The following RUNX1 variants were observed in gnomAD, a reference collection of about 807,000 sequenced individuals.
RUNX1 encodes runt-related transcription factor 1.
In RUNX1, 19 loss-of-function variants were observed where a neutral mutation model predicts 42.8. The observed-to-expected ratio is 0.44, with a 90% CI of 0.31 to 0.65. The LOEUF is 0.65. Ranked by LOEUF, RUNX1 falls within the 30% of genes least tolerant of loss-of-function variation. RUNX1 has a pLI of 0.07. For missense variants in RUNX1, 528 were observed against 672.0 expected, an observed-to-expected ratio of 0.79 and a Z score of 2.37; for synonymous variants, 271 against 289.4, an observed-to-expected ratio of 0.94 and a Z score of 0.64.
chr21:34,933,820 T>C (rs1053378651), intron 2 of RUNX1, among the ~76,000 whole-genome samples: 6 of 152,174 alleles, frequency 3.9e-5, no homozygotes, highest in Non-Finnish European at 7.4e-5. Context: ...CAAAGGATAC[T>C]GTCATAAAGC....
chr21:34,893,252 A>T (rs2058100848), intron 2 of RUNX1, among the ~76,000 whole-genome samples: 1 of 152,212 alleles, frequency 6.6e-6, no homozygotes, highest in East Asian at 1.9e-4. Context: ...TTAAAATGTG[A>T]TTTATTTAAT....
intron 2 of RUNX1, among the ~76,000 whole-genome samples, chr21:35,026,674 C>T (rs2059239119): frequency 6.6e-6 from 1 of 152,244 alleles, no homozygotes; most frequent in African/African-American, 2.4e-5. Flanking sequence ...CGCGCATCCG[C>T]CCGGGGACTT....
intron 6 of RUNX1, among the ~76,000 whole-genome samples, chr21:34,857,058 C>T (rs552195034): frequency 6.6e-6 from 1 of 152,322 alleles, no homozygotes; most frequent in Non-Finnish European, 1.5e-5. Flanking sequence ...TGGGAGTCTG[C>T]ATGCACTTGG....
At chr21:34,834,094 A>T in intron 7 of RUNX1, 1 of 571,646 alleles carries the variant, frequency 1.7e-6, no homozygotes, top group Non-Finnish European at 3.3e-6. Context: ...GCCAAAGCTA[A>T]CTCTTAAAAA....
At chr21:34,805,230 A>G (rs1230732532) in intron 7 of RUNX1, among the ~76,000 whole-genome samples, 1 of 152,266 alleles carries the variant, frequency 6.6e-6, no homozygotes, top group Non-Finnish European at 1.5e-5. Context: ...AAGAACTGTG[A>G]GAAAGTTTCA....
At chr21:34,889,816 C>A in intron 3 of RUNX1, 2 of 1,116,312 alleles carry the variant, frequency 1.8e-6, no homozygotes, top group Non-Finnish European at 2.2e-6. Context: ...GGCTCCCTCC[C>A]AGCGGAGGCT....
chr21:34,886,569 G>A (rs979923907), intron 4 of RUNX1, among the ~76,000 whole-genome samples: 1 of 152,222 alleles, frequency 6.6e-6, no homozygotes, highest in African/African-American at 2.4e-5. Flanking sequence ...CCCCTGCCAG[G>A]GAGGTCCCGA....
chr21:34,887,242 T>TG lies in RUNX1; in HGVS notation c.98-147dup, dbSNP rs3833348. 0.29 allele frequency: 83,561 copies of TG among 288,124 alleles called. 2,239 individuals carry two copies. The highest frequency in any genetic ancestry group is 0.31 in the South Asian group (2,206 of 7,076). The allele number at this position is 288,124 out of a possible 1,614,324, so 17.8% of individuals were successfully genotyped here. On this transcript the variant is annotated intron_variant, in intron 3 of 8. Transcript: ENST00000675419. ...CAGGGGCCTTTATTACTGCGGGGGGTGGGGGGGGGCGGGGGTGGTTAGGGG... is the reference window on the plus strand; with the variant it reads ...CAGGGGCCTTTATTACTGCGGGGGGTGGGGGGGGGGCGGGGGTGGTTAGGGG...
chr21:34,800,010 AAAG>A (rs1364036000), intron 7 of RUNX1, among the ~76,000 whole-genome samples: 2 of 152,168 alleles, frequency 1.3e-5, no homozygotes, highest in African/African-American at 2.4e-5. Context: ...GGATGACAGG[AAAG>A]AAGGTCTGGC....
At chr21:34,896,614 C>T (rs754500683) in intron 2 of RUNX1, among the ~76,000 whole-genome samples, 1 of 152,072 alleles carries the variant, frequency 6.6e-6, no homozygotes, top group Admixed American at 6.6e-5. Context: ...ACCCAGGAGG[C>T]GGAGGTTGCA....
At position 34,843,665 on chromosome 21, in the gene RUNX1, C is replaced by T. The variant is rs538678874; in HGVS notation, c.614-9064G>A. Reference sequence around the variant, plus strand: ...ACTTCAAGCCAGAGACGCACACAGGCCTGCCCCTCCCCAGCCCCCCTGCAC... The same window carrying T: ...ACTTCAAGCCAGAGACGCACACAGGTCTGCCCCTCCCCAGCCCCCCTGCAC... On this transcript the variant is annotated intron_variant, in intron 6 of 8. Transcript: ENST00000675419. This position sits in a 1 kb window ranked among gnomAD's most constrained non-coding sequence, Gnocchi z 4.8. 6.6e-6 allele frequency among the ~76,000 whole-genome samples: 1 copy of T among 152,116 alleles called. No individual in the cohort carries two copies. Among genetic ancestry groups the T allele is most frequent in the African/African-American group, 2.4e-5 (1 of 41,428 alleles).
chr21:34,992,687 AAG>A (rs1555913098), intron 2 of RUNX1, among the ~76,000 whole-genome samples: 1 of 150,992 alleles, frequency 6.6e-6, no homozygotes, highest in Admixed American at 6.6e-5. Flanking sequence ...AAAAAAAAAA[AAG>A]AAAAAAAAAA....
At chr21:34,819,942 G>A (rs1002473022) in intron 7 of RUNX1, among the ~76,000 whole-genome samples, 15 of 152,252 alleles carry the variant, frequency 9.9e-5, no homozygotes, top group Non-Finnish European at 5.9e-5. Flanking sequence ...GCACAGGATG[G>A]TATTTACTCA....
chr21:35,002,159 G>A (rs2059049119), intron 2 of RUNX1, among the ~76,000 whole-genome samples: 1 of 151,604 alleles, frequency 6.6e-6, no homozygotes, highest in Non-Finnish European at 1.5e-5. Context: ...GACCCATCCT[G>A]AAATGCTAAC....
intron 7 of RUNX1, among the ~76,000 whole-genome samples, chr21:34,816,000 G>A (rs917855488): frequency 3.9e-5 from 6 of 152,064 alleles, no homozygotes; most frequent in Admixed American, 1.3e-4. Flanking sequence ...CAAACAAGAA[G>A]GGAAATGGCC....
rs766385076 is a variant in RUNX1 at position 34,788,056 on chromosome 21, G to C, written c.*4079C>G. On this transcript the variant is annotated 3_prime_UTR_variant, in exon 9 of 9. Coordinates refer to ENST00000675419, the MANE Select transcript of RUNX1 (RefSeq NM_001754.5). ...CTATCTAGAAACACCTTGGAGAGAG[G>C]GTTCTGGGATATTCTCTCATGTCAT... 4.3e-6 allele frequency: 1 copy of C among 233,194 alleles called. No homozygotes were observed. The allele number at this position is 233,194 out of a possible 1,614,324, so 14.4% of individuals were successfully genotyped here. A position where few individuals can be genotyped will look rare whatever the true frequency, so the allele number is the denominator to read the frequency against.
chr21:34,897,330 T>C (rs2058138724), intron 2 of RUNX1, among the ~76,000 whole-genome samples: 1 of 152,226 alleles, frequency 6.6e-6, no homozygotes, highest in African/African-American at 2.4e-5. Context: ...CTGCTAATTG[T>C]ATACAGTACT....
At chr21:34,795,263 G>A (rs767081135) in intron 8 of RUNX1, among the ~76,000 whole-genome samples, 1 of 152,174 alleles carries the variant, frequency 6.6e-6, no homozygotes, top group Non-Finnish European at 1.5e-5. Context: ...TTTTTGGAAG[G>A]CAGCGGCAGT....
intron 2 of RUNX1, among the ~76,000 whole-genome samples, chr21:34,920,181 T>C (rs2058343214): frequency 1.3e-5 from 2 of 152,170 alleles, no homozygotes; most frequent in African/African-American, 2.4e-5. Flanking sequence ...ATTATTTTTT[T>C]CCCAAAGATA....
Sources: gnomAD v4.1 joint callset for allele counts (sites outside exome capture counted in the v4.1 genomes callset) on GRCh38, gnomAD v4.1.1 for gene constraint, Gnocchi (gnomAD v3.1) non-coding constraint, MANE v1.5 for transcripts, NCBI Gene and HGNC (gene_info 2026-07-23, HGNC 2026-07-21) for gene names.